The following AQP7 variants were observed in gnomAD, a reference collection of about 807,000 sequenced individuals.
AQP7 encodes aquaporin 7.
A neutral mutation model predicts 26.1 loss-of-function variants in AQP7; 22 were observed. The ratio of observed to expected loss-of-function variants is 0.84; its 90% CI spans 0.60 to 1.20. The LOEUF is 1.20. Among genes scored for constraint, AQP7 ranks in the 50% most tolerant of loss-of-function variants. The probability of loss-of-function intolerance (pLI) is 0.00; values close to 1 mark genes in which losing one functional copy is unlikely to be tolerated. For missense variants in AQP7, 412 were observed against 457.5 expected (o/e 0.90, Z 0.91); for synonymous variants, 167 against 181.7 (o/e 0.92, Z 0.65).
At chr9:33,393,763 T>C (rs974662903) in intron 3 of AQP7, 1 of 152,286 alleles carries the variant, frequency 6.6e-6, no homozygotes, top group Non-Finnish European at 1.5e-5. Context: ...AACCTCCACG[T>C]TGCCAAACCC....
chr9:33,391,196 G>C (rs546627272), intron 3 of AQP7, among the ~76,000 whole-genome samples: 2 of 152,354 alleles, frequency 1.3e-5, no homozygotes, highest in East Asian at 1.9e-4. Context: ...ACTCATGCAC[G>C]TAATTCATCC....
At chr9:33,395,371 G>A in intron 2 of AQP7, 176 bp from the exon 3 acceptor site, 1 of 620,074 alleles carries the variant, frequency 1.6e-6, no homozygotes, top group Non-Finnish European at 2.9e-6. Context: ...GAGCCACGGG[G>A]ACATGGAGAG....
In AQP7 at chr9:33,396,974, G is replaced by A. The variant is rs188115221; in HGVS notation, c.27-1779C>T. The stretch of plus-strand genomic sequence containing the variant: ...AAATTAGTCAGGTGTTGTGGTGTAC[G>A]CCTGTGGTCCCAGCTAATGGGGAGG... On this transcript the variant is annotated intron_variant, in intron 2 of 7. Coordinates refer to ENST00000297988, the MANE Select transcript of AQP7 (RefSeq NM_001170.3). 5.4e-3 allele frequency among the ~76,000 whole-genome samples: 813 copies of A among 151,714 alleles called. 7 individuals carry two copies. The highest frequency in any genetic ancestry group is 0.018 in the African/African-American group (748 of 41,300).
rs1290885225 is a variant in AQP7, at chr9:33,385,883, G to A, written c.526-17C>T. ...CAGCCACGCCTGAGGAGCAGATGCT[G>A]TGGCAGCTCACCTGGGCCCCTCCCC... On this transcript the variant is annotated splice_polypyrimidine_tract_variant and intron_variant, in intron 6 of 7. Transcript: ENST00000297988. 1 of 1,597,866 alleles carries A rather than the reference G, an allele frequency of 6.3e-7. No individual in the cohort carries two copies. Among genetic ancestry groups the A allele is most frequent in the Non-Finnish European group, 8.6e-7 (1 of 1,169,568 alleles).
chr9:33,401,039 C>T, intron 2 of AQP7, 198 bp downstream of exon 2: 1 of 631,948 alleles, frequency 1.6e-6, no homozygotes, highest in Non-Finnish European at 2.8e-6. Context: ...CCTCCCCTCA[C>T]CCCAGGACCC....
At chr9:33,390,839 C>G (rs559298952) in intron 3 of AQP7, among the ~76,000 whole-genome samples, 2 of 152,180 alleles carry the variant, frequency 1.3e-5, no homozygotes, top group Non-Finnish European at 2.9e-5. Context: ...AGGCTGGGCG[C>G]GGTGGCTCAC....
chr9:33,387,311 G>T (rs898782948), intron 3 of AQP7, among the ~76,000 whole-genome samples: 8 of 152,094 alleles, frequency 5.3e-5, no homozygotes, highest in African/African-American at 1.7e-4. Context: ...ACTGAGAGCC[G>T]GGTGGAGCGG....
intron 3 of AQP7, among the ~76,000 whole-genome samples, chr9:33,388,443 G>A (rs1825074710): frequency 1.3e-5 from 2 of 152,112 alleles, no homozygotes; most frequent in South Asian, 4.1e-4. Flanking sequence ...CTCACTCACT[G>A]GCTCTCCTCC....
At chr9:33,395,231 G>A (rs1187759275) in intron 2 of AQP7, 36 bp from the exon 3 acceptor site, 5 of 1,565,232 alleles carry the variant, frequency 3.2e-6, no homozygotes, top group South Asian at 1.1e-5. Flanking sequence ...ACAGAAAGGA[G>A]ACTCAAGTCT....
At chr9:33,396,640 C>T (rs1209433593) in intron 2 of AQP7, among the ~76,000 whole-genome samples, 3 of 144,842 alleles carry the variant, frequency 2.1e-5, no homozygotes, top group Non-Finnish European at 4.6e-5. Flanking sequence ...CCAGAATGGT[C>T]CCCTGCCTCC....
intron 3 of AQP7, among the ~76,000 whole-genome samples, chr9:33,389,050 CAG>C (rs1825134128): frequency 7.6e-6 from 1 of 132,320 alleles, no homozygotes; most frequent in East Asian, 2.2e-4. Flanking sequence ...TTTTTTGAGA[CAG>C]AGTCTTGCTC....
Position 33,401,420 on chromosome 9 carries a change from G to A in AQP7, c.-25-133C>T, listed in dbSNP as rs2984992. On this transcript the variant is annotated intron_variant, in intron 1 of 7. Transcript: ENST00000297988. ...GTGCCACTCCCTTAACCCAGCCAAG[G>A]AACAGGGAGGGAGGAGCGGTGCTCA... 1.9e-5 allele frequency: 14 copies of A among 738,806 alleles called. No homozygotes were observed. The African/African-American group carries it at 2.3e-4, about 12-fold the overall frequency. The allele number at this position is 738,806 out of a possible 1,614,324, so 45.8% of individuals were successfully genotyped here. A position where few individuals can be genotyped will look rare whatever the true frequency, so the allele number is the denominator to read the frequency against.
At chr9:33,397,928 T>C (rs1001929711) in intron 2 of AQP7, among the ~76,000 whole-genome samples, 3 of 152,190 alleles carry the variant, frequency 2.0e-5, no homozygotes, top group African/African-American at 7.2e-5. Context: ...TTCTTGAATC[T>C]ACTGTGCCTA....
At chr9:33,385,965 C>G in intron 6 of AQP7, 99 bp from the exon 7 acceptor site, 4 of 1,563,046 alleles carry the variant, frequency 2.6e-6, no homozygotes, top group Non-Finnish European at 3.5e-6. Context: ...AGACACGTCT[C>G]GGTACAGTCT....
Position 33,402,496 on chromosome 9 carries a change from T to A in AQP7, c.-149A>T, listed in dbSNP as rs1446745738. The A allele has an allele frequency of 2.6e-5, 4 of 152,796 alleles. No individual in the cohort carries two copies. Among genetic ancestry groups the A allele is most frequent in the Non-Finnish European group, 4.4e-5 (3 of 68,134 alleles). 9.5% of individuals were successfully genotyped at this position (152,796 alleles called of 1,614,324 possible). On this transcript the variant is annotated 5_prime_UTR_variant, in exon 1 of 8. Coordinates refer to ENST00000297988, the MANE Select transcript of AQP7 (RefSeq NM_001170.3). ...TCCACCCCCAGCTGGGGCTCAGCTA[T>A]CCCTGTGTCCCCAGTCCAGAGCCTG...
chr9:33,392,521 A>T (rs529864739), intron 3 of AQP7, among the ~76,000 whole-genome samples: 7 of 152,116 alleles, frequency 4.6e-5, no homozygotes, highest in African/African-American at 7.2e-5. Context: ...TAGGTGCTCA[A>T]TGAAAATCTC....
chr9:33,383,805 C>G lies in AQP7; in HGVS notation c.*1200G>C, dbSNP rs562981027. On this transcript the variant is annotated 3_prime_UTR_variant, in exon 8 of 8. Coordinates refer to ENST00000297988, the MANE Select transcript of AQP7 (RefSeq NM_001170.3). The stretch of plus-strand genomic sequence containing the variant: ...AAAAAGGACACCCCCCACCACCATA[C>G]CCTGCTCTGTCTCCTCCTCTGGGAA... The G allele has an allele frequency of 6.6e-6, 1 of 152,074 alleles. No individual in the cohort carries two copies. The highest frequency in any genetic ancestry group is 1.5e-5 in the Non-Finnish European group (1 of 68,162). 9.4% of individuals were successfully genotyped at this position (152,074 alleles called of 1,614,324 possible).
In AQP7 at chr9:33,401,312, A is replaced by G. The variant is rs1328799978; in HGVS notation, c.-25-25T>C. 4 of 1,537,298 alleles carry G rather than the reference A, an allele frequency of 2.6e-6. No homozygotes were observed. In the Admixed American group the frequency reaches 7.9e-5, roughly 30 times the overall value. On this transcript the variant is annotated intron_variant, in intron 1 of 7. Coordinates refer to ENST00000297988, the MANE Select transcript of AQP7 (RefSeq NM_001170.3). ...GCTGAGGAGCCAAAGAGAGGTCACT[A>G]GGGCTGGAGGACACAGAACTTGGCC...
In AQP7 at chr9:33,387,098, A is replaced by T. The variant is rs748374084; in HGVS notation, c.145-6T>A. 6 of 1,611,384 alleles carry T rather than the reference A, an allele frequency of 3.7e-6. No homozygotes were observed. The South Asian group carries it at 6.6e-5, about 18-fold the overall frequency. ...ACGGAACCAAGGCCGAATACCTACA[A>T]GGGAGGGCCTCTAAGGGGGCTGCCT... On this transcript the variant is annotated splice_polypyrimidine_tract_variant and splice_region_variant and intron_variant, in intron 3 of 7. Transcript: ENST00000297988.
Sources: allele counts gnomAD v4.1 joint callset (sites outside exome capture counted in the v4.1 genomes callset), GRCh38; gene constraint gnomAD v4.1.1; transcripts MANE v1.5; gene names NCBI Gene and HGNC (gene_info 2026-07-23, HGNC 2026-07-21).